Variants in ORC3 observed in about 807,000 individuals in gnomAD.
The protein encoded by ORC3 is homolog of latheo, Drosophila.
ORC3 carries 78 observed loss-of-function variants against 100.7 expected under a neutral mutation model. The ratio of observed to expected loss-of-function variants is 0.77; its 90% CI spans 0.65 to 0.94. ORC3 has a LOEUF of 0.94. Ranked by LOEUF, ORC3 falls within the 40% of genes least tolerant of loss-of-function variation. The pLI, the probability that ORC3 is intolerant of heterozygous loss-of-function variation, is 0.00. For synonymous variants in ORC3, 295 were observed against 289.3 expected, an observed-to-expected ratio of 1.02 and a Z score of -0.20; for missense variants, 789 against 823.9, an observed-to-expected ratio of 0.96 and a Z score of 0.52.
At chr6:87,645,373 C>T (rs1265560019) in intron 13 of ORC3, among the ~76,000 whole-genome samples, 2 of 152,114 alleles carry the variant, frequency 1.3e-5, no homozygotes, top group East Asian at 1.9e-4. Context: ...GCTTAGGAGG[C>T]GATACACATA....
At chr6:87,639,294 C>T (rs77423005) in intron 13 of ORC3, among the ~76,000 whole-genome samples, 2,387 of 152,230 alleles carry the variant, frequency 0.016, 36 homozygotes, top group South Asian at 0.03. Flanking sequence ...TGGCTGTAGA[C>T]ATCCCTCTAC....
chr6:87,657,107 G>C (rs1236299554), intron 15 of ORC3, 125 bp downstream of exon 15: 2 of 659,890 alleles, frequency 3.0e-6, no homozygotes, highest in Non-Finnish European at 5.4e-6. Flanking sequence ...GAACAAAGCA[G>C]ACTTTTAACT....
intron 13 of ORC3, among the ~76,000 whole-genome samples, chr6:87,650,116 G>T (rs559543858): frequency 6.7e-6 from 1 of 149,158 alleles, no homozygotes; most frequent in Non-Finnish European, 1.5e-5. Flanking sequence ...GAGTGCAATG[G>T]CATGATCACG....
At chr6:87,665,637 A>G in intron 18 of ORC3, 117 bp from the exon 19 acceptor site, 1 of 631,632 alleles carries the variant, frequency 1.6e-6, no homozygotes, top group Non-Finnish European at 2.8e-6. Context: ...TGACAATCTT[A>G]AATTTGATAT....
At chr6:87,676,934 G>A in the ORC3 span, among the ~76,000 whole-genome samples, 4 of 151,742 alleles carry the variant, frequency 2.6e-5, no homozygotes, top group East Asian at 1.9e-4. Flanking sequence ...AAAATTAGCC[G>A]GGCATGGTGG....
chr6:87,651,981 C>A (rs746347316), intron 13 of ORC3, among the ~76,000 whole-genome samples: 1 of 151,796 alleles, frequency 6.6e-6, no homozygotes, highest in Non-Finnish European at 1.5e-5. Context: ...TCGCTGCAAC[C>A]TCCGACTCCC....
the ORC3 span, chr6:87,674,922 A>C: frequency 6.6e-6 from 1 of 152,128 alleles, no homozygotes; most frequent in Non-Finnish European, 1.5e-5. Context: ...AGAAACAAGC[A>C]AAATAGAAGT....
the ORC3 span, among the ~76,000 whole-genome samples, chr6:87,676,233 G>A: frequency 2.0e-5 from 3 of 151,920 alleles, no homozygotes; most frequent in African/African-American, 7.3e-5. Context: ...GGGAGGCCGA[G>A]GCGGGCGGAT....
chr6:87,653,620 C>T (rs1335796130), intron 14 of ORC3, among the ~76,000 whole-genome samples: 1 of 152,120 alleles, frequency 6.6e-6, no homozygotes, highest in African/African-American at 2.4e-5. Flanking sequence ...TCATCAAGTT[C>T]TTTATAGATT....
rs1303500373 is a variant in ORC3, at chr6:87,653,963, AG to A, written c.1516+715del. On this transcript the variant is annotated intron_variant, in intron 14 of 19. Coordinates refer to ENST00000392844, the MANE Select transcript of ORC3 (RefSeq NM_012381.4). Reference sequence around the variant, plus strand: ...TGGGCTCTTCTCTTGCTCTGTTTCTAGCACCAAAGTATGGTATTCTTTTAGT... The same window carrying A: ...TGGGCTCTTCTCTTGCTCTGTTTCTACACCAAAGTATGGTATTCTTTTAGT... 3.3e-5 allele frequency among the ~76,000 whole-genome samples: 5 copies of A among 152,282 alleles called. No individual in the cohort carries two copies. The East Asian group carries it at 9.6e-4, about 29-fold the overall frequency.
At chr6:87,650,591 GGTTAA>G (rs1164382863) in intron 13 of ORC3, among the ~76,000 whole-genome samples, 5 of 152,286 alleles carry the variant, frequency 3.3e-5, no homozygotes, top group South Asian at 4.1e-4. Context: ...TATTGGGGTT[GGTTAA>G]GTTATTATTT....
chr6:87,651,833 G>A (rs1769291940), intron 13 of ORC3, among the ~76,000 whole-genome samples: 1 of 151,602 alleles, frequency 6.6e-6, no homozygotes, highest in Admixed American at 6.6e-5. Context: ...TCAAATATAA[G>A]TGAATTAGTT....
Position 87,617,925 on chromosome 6 carries a change from C to T in ORC3, c.987+1498C>T, listed in dbSNP as rs759441358. ...GCTAATATGTATCTTTTCCTCCCAA[C>T]TTTGACTTTTTAAAGAGTATTTTAA... On this transcript the variant is annotated intron_variant, in intron 9 of 19. Transcript: ENST00000392844. 5.3e-5 allele frequency among the ~76,000 whole-genome samples: 8 copies of T among 152,228 alleles called. No homozygotes were observed. In the South Asian group the frequency reaches 1.5e-3, roughly 28 times the overall value.
chr6:87,594,737 C>T (rs758490371), intron 2 of ORC3: 2 of 218,432 alleles, frequency 9.2e-6, no homozygotes, highest in Non-Finnish European at 1.6e-5. Context: ...TGAGTTTCTG[C>T]TAGAGAAACA....
At position 87,666,377 on chromosome 6, in the gene ORC3, G is replaced by A. The variant is rs552234083; in HGVS notation, c.2030+544G>A. 4.7e-4 allele frequency among the ~76,000 whole-genome samples: 69 copies of A among 148,164 alleles called. No homozygotes were observed. The East Asian group carries it at 5.0e-3, about 11-fold the overall frequency. The stretch of plus-strand genomic sequence containing the variant: ...GAACTCCTGACCTTGTGATCCGCCC[G>A]CCTTGGCCTCCCAAAGTGCTAGGAT... On this transcript the variant is annotated intron_variant, in intron 19 of 19. Transcript: ENST00000392844.
the ORC3 span, among the ~76,000 whole-genome samples, chr6:87,674,535 A>C: frequency 5.3e-5 from 8 of 151,254 alleles, no homozygotes; most frequent in African/African-American, 1.9e-4. Context: ...TAAAAGAAAA[A>C]ACTGGATCCT....
Position 87,653,213 on chromosome 6 carries a change from A to T in ORC3, c.1480A>T (p.Ile494Leu). Residue 494 changes from isoleucine (I) to leucine (L), a missense_variant, in exon 14 of 20, where the codon ATA (isoleucine) becomes TTA (leucine). Coordinates refer to ENST00000392844, the MANE Select transcript of ORC3 (RefSeq NM_012381.4). ...ENHLGSTAKR[I>L]EEFLAQFQSL... ...CCACCTTGGCAGCACAGCTAAGAGA[A>T]TAGAGGAGTTCCTGGCCCAGTTTCA... 6.2e-7 allele frequency: 1 copy of T among 1,613,972 alleles called. No homozygotes were observed. Among genetic ancestry groups the T allele is most frequent in the Non-Finnish European group, 8.5e-7 (1 of 1,179,854 alleles).
At chr6:87,677,784 G>C in the ORC3 span, 2 of 1,599,988 alleles carry the variant, frequency 1.3e-6, no homozygotes, top group Admixed American at 3.4e-5. Context: ...ACACAACTGA[G>C]TTCCTCAGAA....
intron 3 of ORC3, 149 bp downstream of exon 3, chr6:87,602,030 T>A (rs1777944678): frequency 3.5e-6 from 2 of 579,622 alleles, no homozygotes; most frequent in Admixed American, 6.1e-5. Flanking sequence ...AAAACAACCA[T>A]AATCCAGCCT....
Sources: gnomAD v4.1 joint callset for allele counts (sites outside exome capture counted in the v4.1 genomes callset) on GRCh38, gnomAD v4.1.1 for gene constraint, MANE v1.5 for transcripts, NCBI Gene and HGNC (gene_info 2026-07-23, HGNC 2026-07-21) for gene names.